The following SYT4 variants were observed in gnomAD, a reference collection of about 807,000 sequenced individuals.
SYT4 encodes the protein synaptotagmin-4.
SYT4 carries 7 observed loss-of-function variants against 32.9 expected under a neutral mutation model. The observed-to-expected ratio is 0.21, with a 90% CI of 0.12 to 0.40. The LOEUF is 0.40. SYT4 is among the 10% of genes least tolerant of loss of function. The pLI, the probability that SYT4 is intolerant of heterozygous loss-of-function variation, is 1.00. For missense variants in SYT4, 480 were observed against 488.0 expected (o/e 0.98, Z 0.16); for synonymous variants, 205 against 186.2 (o/e 1.10, Z -0.82).
chr18:43,273,960 G>C lies in SYT4; in HGVS notation c.469C>G (p.Leu157Val), dbSNP rs779455783. The change falls in exon 2 of 4, where the codon CTC becomes GTC. Residue 157 changes from leucine to valine, a missense_variant. By Grantham distance (32) the Leu-to-Val change is conservative. Coordinates refer to ENST00000255224, the MANE Select transcript of SYT4 (RefSeq NM_020783.4). ...SEEKQEKLGT[L>V]FFSLEYNFER... ...AAGTTGTATTCTAAGGAGAAGAAGA[G>C]AGTTCCCAGCTTCTCTTGTTTCTCT... 1.2e-6 allele frequency: 2 copies of C among 1,613,864 alleles called. No homozygotes were observed.
Position 43,268,031 on chromosome 18 carries a change from C to T in SYT4, c.*2310G>A, listed in dbSNP as rs989930276. 1 of 152,336 alleles carries T rather than the reference C, an allele frequency of 6.6e-6. No individual in the cohort carries two copies. The highest frequency in any genetic ancestry group is 2.4e-5 in the African/African-American group (1 of 41,456). 9.4% of individuals were successfully genotyped at this position (152,336 alleles called of 1,614,324 possible). Reference sequence around the variant, plus strand: ...CTTCTATTGAGTTACAACATCAGAACAAATCAATTACTGAGTTACACAGTT... The same window carrying T: ...CTTCTATTGAGTTACAACATCAGAATAAATCAATTACTGAGTTACACAGTT... On this transcript the variant is annotated 3_prime_UTR_variant, in exon 4 of 4. Coordinates refer to ENST00000255224, the MANE Select transcript of SYT4 (RefSeq NM_020783.4).
chr18:43,273,245 G>A (rs570618524), intron 2 of SYT4, among the ~76,000 whole-genome samples: 20 of 152,114 alleles, frequency 1.3e-4, no homozygotes, highest in African/African-American at 4.8e-4. Context: ...ACTTGCTTAT[G>A]AATAAGAAAT....
chr18:43,268,638 G>T lies in SYT4; in HGVS notation c.*1703C>A, dbSNP rs1908529806. The T allele has an allele frequency of 1.3e-5, 2 of 152,586 alleles. No individual in the cohort carries two copies. Among genetic ancestry groups the T allele is most frequent in the African/African-American group, 4.8e-5 (2 of 41,444 alleles). 9.5% of individuals were successfully genotyped at this position (152,586 alleles called of 1,614,324 possible). A position where few individuals can be genotyped will look rare whatever the true frequency, so the allele number is the denominator to read the frequency against. On this transcript the variant is annotated 3_prime_UTR_variant, in exon 4 of 4. Transcript: ENST00000255224. ...GTTCATTTCATGTTGCTTTCACAGA[G>T]ATGCCGAGTGGAGCAAGATGCTGTG...
Position 43,277,485 on chromosome 18 carries a change from T to C in SYT4, c.-204A>G. On this transcript the variant is annotated 5_prime_UTR_variant, in exon 1 of 4. Transcript: ENST00000255224. ...TTGCCACCTCGGTTCCTGTTTTGGC[T>C]CTTCTGAGAAGCTCGTCTCCGAGAC... 2 of 592,376 alleles carry C rather than the reference T, an allele frequency of 3.4e-6. No homozygotes were observed. Among genetic ancestry groups the C allele is most frequent in the Non-Finnish European group, 5.9e-6 (2 of 336,518 alleles). 36.7% of individuals were successfully genotyped at this position (592,376 alleles called of 1,614,324 possible).
At position 43,274,005 on chromosome 18, in the gene SYT4, T is replaced by C; in HGVS notation, c.424A>G (p.Ser142Gly). The change falls in exon 2 of 4, where the codon AGC becomes GGC. Residue 142 changes from serine to glycine, a missense_variant. By Grantham distance (56) the Ser-to-Gly change is moderately conservative. Coordinates refer to ENST00000255224, the MANE Select transcript of SYT4 (RefSeq NM_020783.4). ...ESVSPESLKSSTSLTSEEKQE... is the reference protein window; with the variant it reads ...ESVSPESLKSGTSLTSEEKQE... Reference sequence around the variant, plus strand: ...TTCTCTTCTGAAGTAAGGGAAGTGCTGGACTTTAAACTCTCAGGGGAAACT... The same window carrying C: ...TTCTCTTCTGAAGTAAGGGAAGTGCCGGACTTTAAACTCTCAGGGGAAACT... 6.2e-7 allele frequency: 1 copy of C among 1,613,990 alleles called. No homozygotes were observed. Among genetic ancestry groups the C allele is most frequent in the Non-Finnish European group, 8.5e-7 (1 of 1,179,944 alleles).
chr18:43,271,264 T>C (rs1257243378), intron 3 of SYT4, among the ~76,000 whole-genome samples: 2 of 152,142 alleles, frequency 1.3e-5, no homozygotes, highest in East Asian at 1.9e-4. Flanking sequence ...GGTGGCACCA[T>C]ATGAGTTAAT....
rs1314643818 is a variant in SYT4 at position 43,268,316 on chromosome 18, C to T, written c.*2025G>A. ...AAATAGTTTTACTCAACTTTTCACA[C>T]TCAAAAACACTTTAAATTTTAAAAG... On this transcript the variant is annotated 3_prime_UTR_variant, in exon 4 of 4. Coordinates refer to ENST00000255224, the MANE Select transcript of SYT4 (RefSeq NM_020783.4). 1 of 152,374 alleles carries T rather than the reference C, an allele frequency of 6.6e-6. No individual in the cohort carries two copies. The highest frequency in any genetic ancestry group is 1.5e-5 in the Non-Finnish European group (1 of 68,024). The allele number at this position is 152,374 out of a possible 1,614,324, so 9.4% of individuals were successfully genotyped here.
chr18:43,273,345 C>T (rs1460417702), intron 2 of SYT4, among the ~76,000 whole-genome samples: 3 of 151,858 alleles, frequency 2.0e-5, no homozygotes, highest in Non-Finnish European at 4.4e-5. Flanking sequence ...TCTAAATATC[C>T]ATAAAGAATG....
At position 43,274,391 on chromosome 18, in the gene SYT4, T is replaced by C; in HGVS notation, c.38A>G (p.Glu13Gly). The C allele has an allele frequency of 6.3e-7, 1 of 1,578,694 alleles. No individual in the cohort carries two copies. The highest frequency in any genetic ancestry group is 8.5e-7 in the Non-Finnish European group (1 of 1,171,564). Residue 13 changes from glutamate to glycine, a missense_variant, in exon 2 of 4, where the codon GAA becomes GGA. Glu to Gly is a moderately conservative substitution (Grantham distance 98). Coordinates refer to ENST00000255224, the MANE Select transcript of SYT4 (RefSeq NM_020783.4). ...PITTSREEFD[E>G]IPTVVGIFSA... The stretch of plus-strand genomic sequence containing the variant: ...GAAGATCCCCACCACTGTGGGGATT[T>C]CATCTGAAAAATCAAATGACCAATA...
intron 3 of SYT4, 123 bp from the exon 4 acceptor site, chr18:43,270,771 A>G: frequency 7.3e-6 from 7 of 964,540 alleles, no homozygotes; most frequent in Non-Finnish European, 1.1e-5. Context: ...AAATAAGTCA[A>G]AACAACAGAA....
intron 2 of SYT4, among the ~76,000 whole-genome samples, chr18:43,272,575 A>ATATAT (rs1908663519): frequency 6.6e-6 from 1 of 152,216 alleles, no homozygotes; most frequent in African/African-American, 2.4e-5. Context: ...GAAAGTAACA[A>ATATAT]TATATTAACT....
At position 43,273,934 on chromosome 18, in the gene SYT4, G is replaced by A. The variant is rs1005303205; in HGVS notation, c.495C>T (p.Phe165=). ...GTLFFSLEYN[F]ERKAFVVNIK... ...TATTGACCACAAATGCTTTTCTCTC[G>A]AAGTTGTATTCTAAGGAGAAGAAGA... is the stretch of plus-strand genomic sequence containing the variant. The change falls in exon 2 of 4, where the codon TTC becomes TTT. Residue 165 remains phenylalanine, a synonymous_variant. Transcript: ENST00000255224. 9 of 1,613,874 alleles carry A rather than the reference G, an allele frequency of 5.6e-6. No individual in the cohort carries two copies. Among genetic ancestry groups the A allele is most frequent in the African/African-American group, 5.3e-5 (4 of 74,926 alleles).
At position 43,274,287 on chromosome 18, in the gene SYT4, T is replaced by A; in HGVS notation, c.142A>T (p.Thr48Ser). 6.2e-7 allele frequency: 1 copy of A among 1,613,666 alleles called. No homozygotes were observed. Among genetic ancestry groups the A allele is most frequent in the Non-Finnish European group, 8.5e-7 (1 of 1,179,842 alleles). Reference sequence around the variant, plus strand: ...ACATGCACAAACTTGTATGGAGGAGTCTTGTTAGACTTGGATGATTTTCTC... The same window carrying A: ...ACATGCACAAACTTGTATGGAGGAGACTTGTTAGACTTGGATGATTTTCTC... ...CQRKSSKSNKTPPYKFVHVLK... is the reference protein window; with the variant it reads ...CQRKSSKSNKSPPYKFVHVLK... The change falls in exon 2 of 4, where the codon ACT becomes TCT. Residue 48 changes from threonine to serine, a missense_variant. Coordinates refer to ENST00000255224, the MANE Select transcript of SYT4 (RefSeq NM_020783.4).
intron 2 of SYT4, chr18:43,272,213 T>C (rs1480281596): frequency 6.4e-6 from 1 of 155,972 alleles, no homozygotes; most frequent in Non-Finnish European, 1.4e-5. Context: ...ATTCTTTGCA[T>C]GAGTATGTGT....
chr18:43,277,020 A>C (rs1456732843), intron 1 of SYT4, among the ~76,000 whole-genome samples: 4 of 152,172 alleles, frequency 2.6e-5, no homozygotes, highest in African/African-American at 9.7e-5. Context: ...GAACTTCCTG[A>C]AGGTAAATTC....
At chr18:43,275,824 A>G (rs1908774787) in intron 1 of SYT4, among the ~76,000 whole-genome samples, 1 of 152,170 alleles carries the variant, frequency 6.6e-6, no homozygotes, top group African/African-American at 2.4e-5. Flanking sequence ...AGTATAAAGC[A>G]AGAGCTAAAG....
At chr18:43,274,919 T>G (rs774422416) in intron 1 of SYT4, among the ~76,000 whole-genome samples, 9 of 152,108 alleles carry the variant, frequency 5.9e-5, no homozygotes, top group Non-Finnish European at 1.2e-4. Flanking sequence ...ACAAACTCAT[T>G]AATAATTTTC....
chr18:43,277,227 T>TTC (rs1354687089), intron 1 of SYT4, 21 bp downstream of exon 1: 1 of 1,613,968 alleles, frequency 6.2e-7, no homozygotes, highest in Non-Finnish European at 8.5e-7. Flanking sequence ...ACCGCAGTCA[T>TTC]AAGTTCAGTA....
At chr18:43,271,961 A>C in intron 2 of SYT4, 129 bp from the exon 3 acceptor site, 1 of 1,053,486 alleles carries the variant, frequency 9.5e-7, no homozygotes, top group Non-Finnish European at 1.3e-6. Flanking sequence ...TATTCTAAGG[A>C]ATTGAAGAGT....
Sources: gnomAD v4.1 joint callset for allele counts (sites outside exome capture counted in the v4.1 genomes callset) on GRCh38, gnomAD v4.1.1 for gene constraint, MANE v1.5 for transcripts, NCBI Gene and HGNC (gene_info 2026-07-23, HGNC 2026-07-21) for gene names.